The following CSMD2 variants were observed in gnomAD, a reference collection of about 807,000 sequenced individuals.
The protein encoded by CSMD2 is CUB and sushi domain-containing protein 2.
Under a neutral mutation model 398.5 loss-of-function variants are expected in CSMD2, and 130 were observed. The observed-to-expected ratio is 0.33, with a 90% CI of 0.28 to 0.38. CSMD2 has a LOEUF of 0.38. Among genes scored for constraint, CSMD2 ranks in the 10% least tolerant of loss-of-function variants. The pLI, the probability that CSMD2 is intolerant of heterozygous loss-of-function variation, is 1.00. For synonymous variants in CSMD2, 1,828 were observed against 1,908.5 expected, an observed-to-expected ratio of 0.96 and a Z score of 1.10; for missense variants, 3,829 against 4,764.9, an observed-to-expected ratio of 0.80 and a Z score of 5.78.
intron 40 of CSMD2, among the ~76,000 whole-genome samples, chr1:33,613,205 C>T (rs1641161357): frequency 6.6e-6 from 1 of 152,190 alleles, no homozygotes; most frequent in Non-Finnish European, 1.5e-5. Flanking sequence ...GTAGCTTCTT[C>T]CCTGAAACCT....
At chr1:33,669,990 T>C (rs952863848) in intron 25 of CSMD2, among the ~76,000 whole-genome samples, 2 of 152,162 alleles carry the variant, frequency 1.3e-5, no homozygotes, top group Non-Finnish European at 2.9e-5. Context: ...ATTGAGAACA[T>C]GATTTTGGAC....
intron 4 of CSMD2, among the ~76,000 whole-genome samples, chr1:33,927,795 C>A (rs1029404117): frequency 6.6e-6 from 1 of 152,174 alleles, no homozygotes; most frequent in South Asian, 2.1e-4. Flanking sequence ...GCCTGGGGGC[C>A]TTTGTGCTGC....
chr1:33,579,958 C>T (rs1052048839), intron 48 of CSMD2, among the ~76,000 whole-genome samples: 2 of 152,150 alleles, frequency 1.3e-5, no homozygotes, highest in African/African-American at 2.4e-5. Flanking sequence ...AGATTACAGG[C>T]GTGAGCCACT....
chr1:33,563,800 G>A (rs1211766264), intron 53 of CSMD2, among the ~76,000 whole-genome samples: 8 of 152,132 alleles, frequency 5.3e-5, no homozygotes, highest in Non-Finnish European at 2.9e-5. Flanking sequence ...CAGCTGTATG[G>A]AGAAAGGGCA....
rs547320467 is a variant in CSMD2 at position 33,739,085 on chromosome 1, C to G, written c.2368+55G>C. ...CCATGGCCTGGGCTGCTTGCTCCCC[C>G]TCCCCAGCCTCTCTGGCTGACAATG... is the stretch of plus-strand genomic sequence containing the variant. On this transcript the variant is annotated intron_variant, in intron 15 of 70. Transcript: ENST00000373381. 2.5e-5 allele frequency: 39 copies of G among 1,544,932 alleles called. No homozygotes were observed. The South Asian group carries it at 3.3e-4, about 13-fold the overall frequency.
rs747838003 is a variant in CSMD2 at position 34,032,601 on chromosome 1, G to A, written c.510C>T (p.Thr170=). The A allele has an allele frequency of 6.3e-6, 10 of 1,585,068 alleles. No homozygotes were observed. Among genetic ancestry groups the A allele is most frequent in the Non-Finnish European group, 8.6e-6 (10 of 1,165,566 alleles). The change falls in exon 3 of 71, where the codon ACC becomes ACT. Residue 170 remains threonine (T), a synonymous_variant. Transcript: ENST00000373381. ...YAVSAQGFHA[T]YEVLPSHTCG... The stretch of plus-strand genomic sequence containing the variant: ...GATGAGGGAGGCACTTACCTTCATA[G>A]GTGGCGTGGAAGCCTTGGGCACTGA...
chr1:33,563,514 T>C (rs1658766311), intron 53 of CSMD2, among the ~76,000 whole-genome samples: 1 of 152,136 alleles, frequency 6.6e-6, no homozygotes, highest in Non-Finnish European at 1.5e-5. Flanking sequence ...AGTGATATTA[T>C]ATGATTAGCT....
chr1:33,793,483 A>T (rs925771571), intron 10 of CSMD2, among the ~76,000 whole-genome samples: 16 of 152,306 alleles, frequency 1.1e-4, no homozygotes, highest in African/African-American at 3.6e-4. Context: ...GGATAATGTG[A>T]CTGGGCCTTC....
At chr1:34,138,144 T>A (rs12134160) in intron 1 of CSMD2, among the ~76,000 whole-genome samples, 42,786 of 152,168 alleles carry the variant, frequency 0.28, 7,945 homozygotes, top group Non-Finnish European at 0.41. Flanking sequence ...ACAAGCTTTC[T>A]ATTTATTTAA....
At position 33,860,752 on chromosome 1, in the gene CSMD2, C is replaced by T. The variant is rs561155418; in HGVS notation, c.921-13756G>A. 10 of 152,200 alleles carry T rather than the reference C, an allele frequency of 6.6e-5. No individual in the cohort carries two copies. In the East Asian group the frequency reaches 1.9e-3, roughly 30 times the overall value. 9.4% of individuals were successfully genotyped at this position (152,200 alleles called of 1,614,324 possible). A position where few individuals can be genotyped will look rare whatever the true frequency, so the allele number is the denominator to read the frequency against. On this transcript the variant is annotated intron_variant, in intron 5 of 70. Coordinates refer to ENST00000373381, the MANE Select transcript of CSMD2 (RefSeq NM_001281956.2). ...ACTTATATGTGTCTGGCTTAAAAGGCCATGTTCTTTCCACTTCATGTTACT... is the reference window on the plus strand; with the variant it reads ...ACTTATATGTGTCTGGCTTAAAAGGTCATGTTCTTTCCACTTCATGTTACT...
chr1:33,563,767 A>G (rs556078689), intron 53 of CSMD2, among the ~76,000 whole-genome samples: 4 of 152,230 alleles, frequency 2.6e-5, no homozygotes, highest in Non-Finnish European at 4.4e-5. Flanking sequence ...ATAAGTCTTC[A>G]GAAAGGAGGC....
chr1:34,005,076 T>C (rs1054564710), intron 3 of CSMD2, among the ~76,000 whole-genome samples: 1 of 152,182 alleles, frequency 6.6e-6, no homozygotes, highest in East Asian at 1.9e-4. Flanking sequence ...GGGAAACCCA[T>C]GAACAGAGTT....
In CSMD2 at chr1:33,680,918, CTTTTTTTTTT is replaced by C. The variant is rs66489770; in HGVS notation, c.4052+12002_4052+12011del. Among the ~76,000 whole-genome samples, 134 of 75,948 alleles carry C rather than the reference CTTTTTTTTTT, an allele frequency of 1.8e-3. 1 individual carries two copies. Among genetic ancestry groups the C allele is most frequent in the African/African-American group, 6.5e-3 (122 of 18,688 alleles). The allele number at this position is 75,948 out of a possible 152,430, so 49.8% of individuals were successfully genotyped here. ...CTTATTTCCATCATCCTGTTTTATG[CTTTTTTTTTT>C]TTTTTTTTTTTTTTGAGACAGAATC... On this transcript the variant is annotated intron_variant, in intron 25 of 70. Transcript: ENST00000373381.
chr1:33,920,931 T>C (rs960027551), intron 4 of CSMD2, among the ~76,000 whole-genome samples: 1 of 152,160 alleles, frequency 6.6e-6, no homozygotes, highest in Non-Finnish European at 1.5e-5. Context: ...GGTGCCTGCC[T>C]GGTAGGCCTC....
intron 3 of CSMD2, among the ~76,000 whole-genome samples, chr1:33,976,730 G>A (rs9425894): frequency 0.022 from 3,336 of 152,232 alleles, 125 homozygotes; most frequent in African/African-American, 0.076. Flanking sequence ...GCCACAATGT[G>A]ACACTGGGCA....
chr1:33,592,342 G>T (rs1639516602), intron 44 of CSMD2: 1 of 714,306 alleles, frequency 1.4e-6, no homozygotes, highest in Non-Finnish European at 2.6e-6. Flanking sequence ...AGAATCTCTT[G>T]GGTCCTATTT....
intron 3 of CSMD2, among the ~76,000 whole-genome samples, chr1:33,996,888 T>C (rs142351776): frequency 2.0e-5 from 3 of 152,206 alleles, no homozygotes; most frequent in South Asian, 4.2e-4. Context: ...AAGACAATAA[T>C]AGATAATATT....
At chr1:34,090,578 A>C (rs6701373) in intron 1 of CSMD2, among the ~76,000 whole-genome samples, 4,922 of 147,868 alleles carry the variant, frequency 0.033, 263 homozygotes, top group African/African-American at 0.12. Context: ...TCATGCCTCC[A>C]TCTCTTTATC....
chr1:33,942,968 G>C (rs1233506124), intron 3 of CSMD2, among the ~76,000 whole-genome samples: 1 of 152,098 alleles, frequency 6.6e-6, no homozygotes, highest in African/African-American at 2.4e-5. Flanking sequence ...TCTTCTCACT[G>C]CTGGCCTTGC....
Sources: allele counts gnomAD v4.1 joint callset (sites outside exome capture counted in the v4.1 genomes callset), GRCh38; gene constraint gnomAD v4.1.1; transcripts MANE v1.5; gene names NCBI Gene and HGNC (gene_info 2026-07-23, HGNC 2026-07-21).